The following STK10 variants were observed in gnomAD, a reference collection of about 807,000 sequenced individuals.
The protein encoded by STK10 is serine/threonine kinase 10.
STK10 carries 78 observed loss-of-function variants against 113.8 expected under a neutral mutation model. The observed-to-expected ratio is 0.69, with a 90% CI of 0.57 to 0.83. STK10 has a LOEUF of 0.83. STK10 is among the 40% of genes least tolerant of loss of function. The pLI is 0.00. For missense variants in STK10, 1,109 were observed against 1,280.1 expected (o/e 0.87, Z 2.04); for synonymous variants, 465 against 494.7 (o/e 0.94, Z 0.80).
chr5:172,106,907 T>C (rs1442396798), intron 5 of STK10, 93 bp from the exon 6 acceptor site: 5 of 1,353,964 alleles, frequency 3.7e-6, no homozygotes, highest in Non-Finnish European at 5.0e-6. Context: ...CGAGCCACTG[T>C]CGGGGTTGGC....
intron 12 of STK10, among the ~76,000 whole-genome samples, chr5:172,077,779 G>A (rs191976410): frequency 8.6e-5 from 13 of 151,052 alleles, no homozygotes; most frequent in Non-Finnish European, 1.3e-4. Context: ...TGTTTCCCAC[G>A]CCTGAATTTA....
intron 16 of STK10, 56 bp from the exon 17 acceptor site, chr5:172,054,750 G>A (rs199967367): frequency 8.4e-4 from 1,350 of 1,599,696 alleles, no homozygotes; most frequent in Non-Finnish European, 9.4e-4. Context: ...TGGTTGGGTA[G>A]GGAGCCCCAC....
chr5:172,180,185 C>G (rs113460847), intron 1 of STK10, among the ~76,000 whole-genome samples: 21,731 of 152,284 alleles, frequency 0.14, 1,557 homozygotes, highest in Middle Eastern at 0.19. Context: ...CGGCCTAGGC[C>G]GGGCGTGGTG....
chr5:172,055,880 C>T (rs1767741571), intron 15 of STK10, 104 bp from the exon 16 acceptor site: 10 of 947,714 alleles, frequency 1.1e-5, no homozygotes, highest in South Asian at 3.8e-5. Context: ...CCAGGACCAA[C>T]GCAGCCCACA....
In STK10 at chr5:172,184,814, G is replaced by A. The variant is rs538933734; in HGVS notation, c.156+3073C>T. On this transcript the variant is annotated intron_variant, in intron 1 of 18. Coordinates refer to ENST00000176763, the MANE Select transcript of STK10 (RefSeq NM_005990.4). ...TTATAGGGCACGCGCCACCACACCC[G>A]GCTAATTTTTTTATTTTTTTATTTT... 3.9e-5 allele frequency among the ~76,000 whole-genome samples: 6 copies of A among 152,036 alleles called. No homozygotes were observed. The South Asian group carries it at 6.2e-4, about 16-fold the overall frequency.
chr5:172,093,644 G>A lies in STK10; in HGVS notation c.1322C>T (p.Ala441Val). Residue 441 changes from alanine to valine, a missense_variant, in exon 9 of 19, where the codon GCC becomes GTC. Ala to Val is a moderately conservative substitution (Grantham distance 64). Coordinates refer to ENST00000176763, the MANE Select transcript of STK10 (RefSeq NM_005990.4). The surrounding 1 kb of genome is among the most constrained non-coding windows in gnomAD (Gnocchi z 4.1). ...CTGGCTGGCCTTTTGAGATCTGTTG[G>A]CTGCTGGGCTGAGGTCCCCACCCTG... The part of the protein sequence containing the change: ...AEQGGDLSPA[A>V]NRSQKASQSR... The A allele has an allele frequency of 1.2e-6, 2 of 1,614,232 alleles. No individual in the cohort carries two copies. The highest frequency in any genetic ancestry group is 8.5e-7 in the Non-Finnish European group (1 of 1,180,044).
chr5:172,119,044 G>C (rs1015451181), intron 3 of STK10, among the ~76,000 whole-genome samples: 18 of 152,154 alleles, frequency 1.2e-4, no homozygotes, highest in Admixed American at 1.0e-3. Context: ...GGCCAGAGAG[G>C]CCGGAGGGCT....
intron 12 of STK10, among the ~76,000 whole-genome samples, chr5:172,079,566 TTTATTTA>T (rs1768386170): frequency 2.1e-5 from 3 of 140,748 alleles, no homozygotes; most frequent in African/African-American, 8.9e-5. Flanking sequence ...TATTTATTTA[TTTATTTA>T]TTTTTGAGAT....
intron 9 of STK10, among the ~76,000 whole-genome samples, 167 bp from the exon 10 acceptor site, chr5:172,090,529 G>T (rs1432201731): frequency 6.6e-6 from 1 of 152,092 alleles, no homozygotes; most frequent in Non-Finnish European, 1.5e-5. Context: ...AGGAGCTGGG[G>T]GTTCTGAGCT....
At chr5:172,064,875 TC>T in intron 12 of STK10, 63 bp from the exon 13 acceptor site, 4 of 1,570,642 alleles carry the variant, frequency 2.5e-6, no homozygotes, top group Non-Finnish European at 3.5e-6. Flanking sequence ...TACAGTATAA[TC>T]TTCAACGCAG....
At chr5:172,123,466 G>A (rs1201474499) in intron 3 of STK10, among the ~76,000 whole-genome samples, 2 of 152,192 alleles carry the variant, frequency 1.3e-5, no homozygotes, top group Non-Finnish European at 2.9e-5. Flanking sequence ...CTGTGAATGA[G>A]GTCGAGGACA....
chr5:172,048,863 T>G (rs948875350), intron 18 of STK10, among the ~76,000 whole-genome samples: 5 of 150,448 alleles, frequency 3.3e-5, no homozygotes, highest in Non-Finnish European at 7.4e-5. Context: ...TCCTATCACC[T>G]CCCACCGTCA....
At chr5:172,142,619 T>C (rs1363265584) in intron 2 of STK10, among the ~76,000 whole-genome samples, 2 of 151,092 alleles carry the variant, frequency 1.3e-5, no homozygotes, top group African/African-American at 4.8e-5. Context: ...TCCTAAAAAA[T>C]GCCTGGACCT....
In STK10 at chr5:172,055,664, C is replaced by T. The variant is rs748781832; in HGVS notation, c.2450G>A (p.Arg817His). The change falls in exon 16 of 19, where the codon CGC becomes CAC. Residue 817 changes from arginine to histidine, a missense_variant. By Grantham distance (29) the Arg-to-His change is conservative. Transcript: ENST00000176763. ...PKIQRSEGKT[R>H]MAMYKKSLHI... Reference sequence around the variant, plus strand: ...GAGGCTCTTCTTGTACATGGCCATGCGCGTCTTGCCCTCACTCCTCTGGAT... The same window carrying T: ...GAGGCTCTTCTTGTACATGGCCATGTGCGTCTTGCCCTCACTCCTCTGGAT... 94 of 1,581,140 alleles carry T rather than the reference C, an allele frequency of 5.9e-5. No individual in the cohort carries two copies. The highest frequency in any genetic ancestry group is 7.7e-5 in the Non-Finnish European group (90 of 1,161,874).
rs1426275732 is a variant in STK10 at position 172,155,043 on chromosome 5, G to C, written c.321+1581C>G. 2.8e-5 allele frequency among the ~76,000 whole-genome samples: 4 copies of C among 141,310 alleles called. No individual in the cohort carries two copies. In the Admixed American group the frequency reaches 3.0e-4, roughly 11 times the overall value. 92.7% of individuals were successfully genotyped at this position (141,310 alleles called of 152,430 possible). A position where few individuals can be genotyped will look rare whatever the true frequency, so the allele number is the denominator to read the frequency against. On this transcript the variant is annotated intron_variant, in intron 2 of 18. Transcript: ENST00000176763. The stretch of plus-strand genomic sequence containing the variant: ...AACATAATAGCTATTTTTCTTAATG[G>C]GTACATAGTCAGCAGGCCAACAAAT...
intron 4 of STK10, among the ~76,000 whole-genome samples, chr5:172,109,556 C>G (rs952451110): frequency 2.0e-5 from 3 of 152,104 alleles, no homozygotes; most frequent in African/African-American, 7.2e-5. Flanking sequence ...ATCCTCCTGC[C>G]TTGGCCTCCG....
chr5:172,064,858 T>G, intron 12 of STK10, 46 bp from the exon 13 acceptor site: 1 of 1,595,022 alleles, frequency 6.3e-7, no homozygotes, highest in South Asian at 1.1e-5. Context: ...GTCCTCTCCA[T>G]GCTTCCTACA....
At chr5:172,055,277 G>A (rs993632134) in intron 16 of STK10, among the ~76,000 whole-genome samples, 1 of 152,044 alleles carries the variant, frequency 6.6e-6, no homozygotes, top group African/African-American at 2.4e-5. Flanking sequence ...TTGGCTCACC[G>A]CAACCTCTGC....
chr5:172,180,551 G>A (rs1300167379), intron 1 of STK10, among the ~76,000 whole-genome samples: 3 of 151,976 alleles, frequency 2.0e-5, no homozygotes, highest in Admixed American at 6.6e-5. Flanking sequence ...AGCACTTTGG[G>A]AGGCCGAGGC....
Sources: allele counts gnomAD v4.1 joint callset (sites outside exome capture counted in the v4.1 genomes callset), GRCh38; gene constraint gnomAD v4.1.1; non-coding constraint Gnocchi (gnomAD v3.1); transcripts MANE v1.5; gene names NCBI Gene and HGNC (gene_info 2026-07-23, HGNC 2026-07-21).